Variants in CDYL2 observed in about 807,000 individuals in gnomAD.
The protein encoded by CDYL2 is chromodomain Y like 2, also known as chromodomain Y-like protein 2.
Under a neutral mutation model 49.4 loss-of-function variants are expected in CDYL2, and 23 were observed. The ratio of observed to expected loss-of-function variants is 0.47; its 90% CI spans 0.34 to 0.66. The LOEUF is 0.66. Ranked by LOEUF, CDYL2 falls within the 30% of genes least tolerant of loss-of-function variation. CDYL2 has a pLI of 0.01. For synonymous variants in CDYL2, 360 were observed against 268.8 expected (o/e 1.34, Z -3.32); for missense variants, 678 against 656.4 (o/e 1.03, Z -0.36).
chr16:80,685,122 C>G lies in CDYL2; in HGVS notation c.32G>C (p.Arg11Thr). MASGDLYEVE[R>T]IVDKRKNKKG... is the part of the protein sequence containing the mutation. ...CTTGTTCTTCCTCTTGTCTACAATC[C>G]TTTCAACCTGCGATACAAGATGAGA... The change falls in exon 2 of 7, where the codon AGG (arginine) becomes ACG (threonine). Residue 11 changes from arginine (R) to threonine (T), a missense_variant. Around this residue, in one of 3 missense-constraint regions of CDYL2, gnomAD observed 478 missense variants for 427.0 expected, o/e 1.12. Coordinates refer to ENST00000570137, the MANE Select transcript of CDYL2 (RefSeq NM_152342.4). 1 of 1,608,036 alleles carries G rather than the reference C, an allele frequency of 6.2e-7. No homozygotes were observed. The highest frequency in any genetic ancestry group is 8.5e-7 in the Non-Finnish European group (1 of 1,176,274).
At chr16:80,760,065 T>G (rs1906473545) in intron 1 of CDYL2, among the ~76,000 whole-genome samples, 1 of 152,228 alleles carries the variant, frequency 6.6e-6, no homozygotes, top group Admixed American at 6.5e-5. Flanking sequence ...TTTAGATTTA[T>G]AAATTGGGTG....
At chr16:80,691,390 T>G (rs1332910349) in intron 1 of CDYL2, among the ~76,000 whole-genome samples, 1 of 152,156 alleles carries the variant, frequency 6.6e-6, no homozygotes, top group African/African-American at 2.4e-5. Context: ...AGGCAGTAGG[T>G]TTTTCCCGTC....
intron 1 of CDYL2, among the ~76,000 whole-genome samples, chr16:80,727,486 G>C (rs1905202088): frequency 6.6e-6 from 1 of 152,236 alleles, no homozygotes; most frequent in South Asian, 2.1e-4. Context: ...ACAGCAATCT[G>C]AGATCAAACT....
intron 2 of CDYL2, among the ~76,000 whole-genome samples, chr16:80,663,580 T>G (rs373937149): frequency 6.6e-6 from 1 of 152,100 alleles, no homozygotes; most frequent in African/African-American, 2.4e-5. Context: ...TGATGTTCAC[T>G]GTCAGATGTC....
intron 1 of CDYL2, among the ~76,000 whole-genome samples, chr16:80,785,047 T>C (rs994239185): frequency 6.6e-6 from 1 of 152,032 alleles, no homozygotes; most frequent in Non-Finnish European, 1.5e-5. Flanking sequence ...CCTGGAAAGG[T>C]AGGCAAGGGC....
intron 1 of CDYL2, among the ~76,000 whole-genome samples, chr16:80,794,561 A>G (rs1386401743): frequency 6.7e-6 from 1 of 150,252 alleles, no homozygotes; most frequent in African/African-American, 2.5e-5. Flanking sequence ...TAAACCATAT[A>G]CGATTGTTGA....
chr16:80,673,315 G>A (rs1026045202), intron 2 of CDYL2, among the ~76,000 whole-genome samples: 20 of 151,988 alleles, frequency 1.3e-4, no homozygotes, highest in Non-Finnish European at 2.8e-4. Context: ...GCAAGACTCT[G>A]TCTCAAAAAT....
At position 80,696,238 on chromosome 16, in the gene CDYL2, T is replaced by C. The variant is rs117514863; in HGVS notation, c.25-11109A>G. Among the ~76,000 whole-genome samples, 139 of 152,126 alleles carry C rather than the reference T, an allele frequency of 9.1e-4. 3 individuals are homozygous for C. The East Asian group carries it at 0.022, about 24-fold the overall frequency. Reference sequence around the variant, plus strand: ...ACAACATACCAAAACCTATGGGATATAGAAAAGCAGTACTAAGAGAGAAGG... The same window carrying C: ...ACAACATACCAAAACCTATGGGATACAGAAAAGCAGTACTAAGAGAGAAGG... On this transcript the variant is annotated intron_variant, in intron 1 of 6. Coordinates refer to ENST00000570137, the MANE Select transcript of CDYL2 (RefSeq NM_152342.4).
rs573006477 is a variant in CDYL2 at position 80,793,267 on chromosome 16, C to T, written c.24+10883G>A. Among the ~76,000 whole-genome samples, 234 of 152,300 alleles carry T rather than the reference C, an allele frequency of 1.5e-3. 1 individual carries two copies. The highest frequency in any genetic ancestry group is 6.8e-3 in the Middle Eastern group (2 of 294). On this transcript the variant is annotated intron_variant, in intron 1 of 6. Transcript: ENST00000570137. ...TTGTGCGTGCTCAGTGTGAAAGGGC[C>T]TCTATCACATGCACACCTTAACAGA...
At chr16:80,754,663 T>G (rs1263698076) in intron 1 of CDYL2, among the ~76,000 whole-genome samples, 1 of 152,146 alleles carries the variant, frequency 6.6e-6, no homozygotes, top group African/African-American at 2.4e-5. Flanking sequence ...ATCAGTAAAA[T>G]GCAGATGGTA....
chr16:80,654,979 C>G (rs1433226337), intron 2 of CDYL2, among the ~76,000 whole-genome samples: 2 of 152,194 alleles, frequency 1.3e-5, no homozygotes, highest in East Asian at 3.8e-4. Context: ...ACAGAGCTGG[C>G]TGTGGTTTCT....
intron 2 of CDYL2, among the ~76,000 whole-genome samples, chr16:80,641,691 G>A (rs1281248114): frequency 7.2e-6 from 1 of 137,978 alleles, no homozygotes; most frequent in Non-Finnish European, 1.5e-5. Context: ...GGAGGTAATT[G>A]AACAATGAGA....
intron 2 of CDYL2, among the ~76,000 whole-genome samples, chr16:80,668,705 C>T (rs1156513050): frequency 6.6e-6 from 1 of 151,960 alleles, no homozygotes; most frequent in Non-Finnish European, 1.5e-5. Context: ...TTGAGACCAG[C>T]CTGGCCAACA....
chr16:80,761,158 G>A (rs1429483351), intron 1 of CDYL2, among the ~76,000 whole-genome samples: 1 of 152,124 alleles, frequency 6.6e-6, no homozygotes, highest in African/African-American at 2.4e-5. Context: ...GCCCCACCAG[G>A]GACCTACTGA....
chr16:80,713,121 T>C (rs1904677093), intron 1 of CDYL2, among the ~76,000 whole-genome samples: 1 of 152,230 alleles, frequency 6.6e-6, no homozygotes, highest in African/African-American at 2.4e-5. Context: ...CTTGACGGTA[T>C]GGCCCATGAT....
chr16:80,726,989 T>C (rs557081276), intron 1 of CDYL2, among the ~76,000 whole-genome samples: 2 of 152,096 alleles, frequency 1.3e-5, no homozygotes, highest in African/African-American at 2.4e-5. Context: ...AAGAGACTGA[T>C]GTGGGAGGAT....
At chr16:80,605,272 T>C (rs1196116484) in intron 6 of CDYL2, among the ~76,000 whole-genome samples, 1 of 149,930 alleles carries the variant, frequency 6.7e-6, no homozygotes, top group East Asian at 1.9e-4. Context: ...TTATGTATTA[T>C]ATACATTATA....
At chr16:80,659,064 GAT>G (rs1409033910) in intron 2 of CDYL2, among the ~76,000 whole-genome samples, 11 of 114,378 alleles carry the variant, frequency 9.6e-5, no homozygotes, top group African/African-American at 3.4e-4. Flanking sequence ...TGGATGGATG[GAT>G]GGATGGATGG....
rs1904869950 is a variant in CDYL2, at chr16:80,718,052, C to T, written c.25-32923G>A. 2.0e-5 allele frequency among the ~76,000 whole-genome samples: 3 copies of T among 152,162 alleles called. No homozygotes were observed. In the South Asian group the frequency reaches 6.2e-4, roughly 32 times the overall value. ...ATCATCCTGACAAACCCAGGAGGGG[C>T]TATTATCTCTACTTTACAGATGTAG... On this transcript the variant is annotated intron_variant, in intron 1 of 6. Coordinates refer to ENST00000570137, the MANE Select transcript of CDYL2 (RefSeq NM_152342.4).
Sources: gnomAD v4.1 joint callset for allele counts (sites outside exome capture counted in the v4.1 genomes callset) on GRCh38, gnomAD v4.1.1 for gene constraint, gnomAD v4.1.1 regional missense constraint, MANE v1.5 for transcripts, NCBI Gene and HGNC (gene_info 2026-07-23, HGNC 2026-07-21) for gene names.